Variants in TFAP2A observed in about 807,000 individuals in gnomAD.
The protein encoded by TFAP2A is transcription factor AP-2 alpha.
Under a neutral mutation model 41.5 loss-of-function variants are expected in TFAP2A, and 7 were observed. The ratio of observed to expected loss-of-function variants is 0.17; its 90% confidence interval spans 0.10 to 0.32. The LOEUF (loss-of-function observed/expected upper bound fraction) is 0.32, where lower values mean the gene tolerates loss of function less well. TFAP2A is among the 10% of genes least tolerant of loss of function. The pLI is 1.00. For missense variants in TFAP2A, 416 were observed against 563.3 expected (o/e 0.74, Z 2.65); for synonymous variants, 247 against 242.8 (o/e 1.02, Z -0.16).
At chr6:10,411,281 C>T (rs1048483034) in intron 1 of TFAP2A, among the ~76,000 whole-genome samples, 1 of 152,012 alleles carries the variant, frequency 6.6e-6, no homozygotes, top group African/African-American at 2.4e-5. Context: ...AGTGAAGACT[C>T]AAGGAAATCA....
At chr6:10,408,979 C>A (rs973694526) in intron 2 of TFAP2A, 39 of 152,270 alleles carry the variant, frequency 2.6e-4, no homozygotes, top group African/African-American at 8.9e-4. Context: ...TTAACAGAAG[C>A]CTTTACAGCT....
chr6:10,401,298 C>T (rs1472276498), intron 5 of TFAP2A, among the ~76,000 whole-genome samples: 1 of 152,222 alleles, frequency 6.6e-6, no homozygotes, highest in African/African-American at 2.4e-5. Context: ...CCCAGACGAA[C>T]TCCACGCTAT....
intron 1 of TFAP2A, among the ~76,000 whole-genome samples, chr6:10,413,219 T>G (rs1758077593): frequency 1.3e-5 from 2 of 152,260 alleles, no homozygotes; most frequent in Admixed American, 6.5e-5. Context: ...CTCCGGCGCT[T>G]GCCCACCACG....
upstream of TFAP2A, chr6:10,418,536 A>G (rs974854405): frequency 1.3e-5 from 2 of 152,258 alleles, no homozygotes; most frequent in African/African-American, 2.4e-5. Flanking sequence ...TACCGCCACC[A>G]TCCTGGCCAG....
intron 5 of TFAP2A, among the ~76,000 whole-genome samples, chr6:10,401,127 T>C (rs1761988570): frequency 6.6e-6 from 1 of 152,258 alleles, no homozygotes; most frequent in African/African-American, 2.4e-5. Flanking sequence ...TGGTTTTTAC[T>C]GCAGGGCTTC....
chr6:10,407,147 T>C lies in TFAP2A; in HGVS notation c.487-303A>G, dbSNP rs1757751616. 7.1e-6 allele frequency: 3 copies of C among 419,588 alleles called. No homozygotes were observed. The East Asian group carries it at 1.5e-4, about 21-fold the overall frequency. The allele number at this position is 419,588 out of a possible 1,614,324, so 26.0% of individuals were successfully genotyped here. ...AATCAAGTGTTGGAGCACCTAATCA[T>C]TCTCAGTCAGTTCAACATTTAGAAA... On this transcript the variant is annotated intron_variant, in intron 2 of 6. Coordinates refer to ENST00000379613, the MANE Select transcript of TFAP2A (RefSeq NM_001372066.1).
chr6:10,419,652 C>A (rs1175914538), upstream of TFAP2A: 5 of 657,846 alleles, frequency 7.6e-6, no homozygotes, highest in Non-Finnish European at 1.4e-5. Context: ...GCAGTCCCAG[C>A]GCCGCACAGA....
rs1454954313 is a variant in TFAP2A, at chr6:10,398,447, G to A, written c.1290C>T (p.Ser430=). 2 of 1,614,134 alleles carry A rather than the reference G, an allele frequency of 1.2e-6. No individual in the cohort carries two copies. Among genetic ancestry groups the A allele is most frequent in the Admixed American group, 3.3e-5 (2 of 60,014 alleles). Residue 430 remains serine, a synonymous_variant, in exon 7 of 7, where the codon AGC becomes AGT. Coordinates refer to ENST00000379613, the MANE Select transcript of TFAP2A (RefSeq NM_001372066.1). The surrounding 1 kb of genome is among the most constrained non-coding windows in gnomAD (Gnocchi z 5.3). ...TTCTGTGCTTCTCCTCTTTGTCACT[G>A]CTTTTGGCGTTGTTGTCCGTGTGGC... ...PNSHTDNNAK[S]SDKEEKHRK is the part of the protein sequence containing the mutation.
At chr6:10,408,758 A>G (rs1339241489) in intron 2 of TFAP2A, among the ~76,000 whole-genome samples, 1 of 152,256 alleles carries the variant, frequency 6.6e-6, no homozygotes, top group Non-Finnish European at 1.5e-5. Flanking sequence ...GAGAGATGTA[A>G]TAAATTTTCT....
At position 10,397,852 on chromosome 6, in the gene TFAP2A, T is replaced by C; in HGVS notation, c.*565A>G. 5.1e-6 allele frequency: 5 copies of C among 987,138 alleles called. No individual in the cohort carries two copies. The highest frequency in any genetic ancestry group is 4.8e-6 in the Non-Finnish European group (4 of 831,120). 61.1% of individuals were successfully genotyped at this position (987,138 alleles called of 1,614,324 possible). On this transcript the variant is annotated 3_prime_UTR_variant, in exon 7 of 7. Transcript: ENST00000379613. The stretch of plus-strand genomic sequence containing the variant: ...TACAACTGAAGACATGACATGGAAC[T>C]TCGTGTATTTGTGTTCAAGTTTATT...
chr6:10,404,233 G>T (rs12206026), intron 4 of TFAP2A, among the ~76,000 whole-genome samples: 1 of 152,150 alleles, frequency 6.6e-6, no homozygotes, highest in Non-Finnish European at 1.5e-5. Flanking sequence ...AGGGCGGAGC[G>T]GAGGACTCCG....
intron 1 of TFAP2A, chr6:10,412,323 G>A (rs969993667): frequency 1.0e-6 from 1 of 982,606 alleles, no homozygotes; most frequent in Non-Finnish European, 1.2e-6. Flanking sequence ...AAGAGGCAGA[G>A]AGGGAGACCG....
chr6:10,419,272 G>C (rs1370536750), upstream of TFAP2A: 1 of 920,560 alleles, frequency 1.1e-6, no homozygotes, highest in African/African-American at 1.7e-5. Context: ...TGTCTCCTGG[G>C]AGCTCTCCTG....
intron 1 of TFAP2A, chr6:10,411,993 G>A (rs1310036373): frequency 9.3e-7 from 1 of 1,077,424 alleles, no homozygotes. Context: ...TCTAATAACC[G>A]CGCTGGGCAG....
intron 1 of TFAP2A, 175 bp downstream of exon 1, chr6:10,414,766 T>TCC (rs1758171549): frequency 1.2e-6 from 1 of 851,648 alleles, no homozygotes; most frequent in African/African-American, 1.7e-5. Flanking sequence ...ATCCACGTCC[T>TCC]CTCTCTGCAG....
At chr6:10,401,630 A>G (rs1345849733) in intron 5 of TFAP2A, among the ~76,000 whole-genome samples, 1 of 152,250 alleles carries the variant, frequency 6.6e-6, no homozygotes, top group Non-Finnish European at 1.5e-5. Context: ...TTAAATATAT[A>G]TACATGCTAG....
At chr6:10,418,295 G>A (rs1758314188), upstream of TFAP2A, 1 of 152,264 alleles carries the variant, frequency 6.6e-6, no homozygotes, top group African/African-American at 2.4e-5. Flanking sequence ...GCTTAGTGAA[G>A]ACTGCACTTC....
chr6:10,412,738 T>TGGGACTC (rs1201558578), intron 1 of TFAP2A: 1 of 286,244 alleles, frequency 3.5e-6, no homozygotes. Context: ...CAGCCGAGTC[T>TGGGACTC]GGGACTCGGG....
In TFAP2A at chr6:10,415,056, G is replaced by C; in HGVS notation, c.-65C>G. 1 of 1,613,900 alleles carries C rather than the reference G, an allele frequency of 6.2e-7. No individual in the cohort carries two copies. The highest frequency in any genetic ancestry group is 8.5e-7 in the Non-Finnish European group (1 of 1,179,952). ...CCAAGTGGAGCTACTCTCTGGGTGA[G>C]CGCAAAGTGCTGGCTGCCGGCGGTG... On this transcript the variant is annotated 5_prime_UTR_variant, in exon 1 of 7. Coordinates refer to ENST00000379613, the MANE Select transcript of TFAP2A (RefSeq NM_001372066.1).
Sources: gnomAD v4.1 joint callset for allele counts (sites outside exome capture counted in the v4.1 genomes callset) on GRCh38, gnomAD v4.1.1 for gene constraint, Gnocchi (gnomAD v3.1) non-coding constraint, MANE v1.5 for transcripts, NCBI Gene and HGNC (gene_info 2026-07-23, HGNC 2026-07-21) for gene names.